Variants in UBE3D observed in about 807,000 individuals in gnomAD.
UBE3D encodes ubiquitin protein ligase E3D.
Under a neutral mutation model 49.6 loss-of-function variants are expected in UBE3D, and 48 were observed. The observed-to-expected ratio is 0.97, with a 90% CI of 0.77 to 1.23. The LOEUF is 1.23. UBE3D is among the 50% of genes most tolerant of loss of function. The pLI, the probability that UBE3D is intolerant of heterozygous loss-of-function variation, is 0.00. For synonymous variants in UBE3D, 189 were observed against 174.2 expected, an observed-to-expected ratio of 1.08 and a Z score of -0.67; for missense variants, 452 against 468.4, an observed-to-expected ratio of 0.96 and a Z score of 0.32.
Position 83,054,104 on chromosome 6 carries a change from C to T in UBE3D, c.365+44G>A, listed in dbSNP as rs765046396. On this transcript the variant is annotated intron_variant, in intron 3 of 9. Coordinates refer to ENST00000369747, the MANE Select transcript of UBE3D (RefSeq NM_198920.3). ...AAATTCTGATAGAAAAAGAGATAAC[C>T]ATTGCCAGGCACAGAATTAATCAGT... 2.0e-6 allele frequency: 3 copies of T among 1,491,178 alleles called. No individual in the cohort carries two copies. In the South Asian group the frequency reaches 3.4e-5, roughly 17 times the overall value. The allele number at this position is 1,491,178 out of a possible 1,614,324, so 92.4% of individuals were successfully genotyped here.
In UBE3D at chr6:83,058,823, T is replaced by C. The variant is rs140699849; in HGVS notation, c.78-801A>G. On this transcript the variant is annotated intron_variant, in intron 1 of 9. Transcript: ENST00000369747. ...TATAGCTACTTTCTGGCTAGTTCCTTTTCAAAGCATATGGATCTGCACTTA... is the reference window on the plus strand; with the variant it reads ...TATAGCTACTTTCTGGCTAGTTCCTCTTCAAAGCATATGGATCTGCACTTA... Among the ~76,000 whole-genome samples the C allele has an allele frequency of 1.5e-3, 221 of 152,318 alleles. 1 individual carries two copies. The highest frequency in any genetic ancestry group is 4.3e-3 in the African/African-American group (177 of 41,564).
rs910603399 is a variant in UBE3D at position 82,966,598 on chromosome 6, C to T, written c.1011-9148G>A. Among the ~76,000 whole-genome samples the T allele has an allele frequency of 3.0e-5, 2 of 66,058 alleles. 1 individual carries two copies. Among genetic ancestry groups the T allele is most frequent in the Non-Finnish European group, 5.9e-5 (2 of 33,784 alleles). The allele number at this position is 66,058 out of a possible 152,430, so 43.3% of individuals were successfully genotyped here. ...CCGGGAGGCGGAGCTTGCAGTGAGC[C>T]GAGATCCCGCCACTGCACTCCAGCC... On this transcript the variant is annotated intron_variant, in intron 8 of 9. Transcript: ENST00000369747.
chr6:82,966,521 G>A (rs1399776211), intron 8 of UBE3D, among the ~76,000 whole-genome samples: 1 of 118,896 alleles, frequency 8.4e-6, no homozygotes, highest in Non-Finnish European at 1.7e-5. Flanking sequence ...GTAGTGGCGG[G>A]CGCCTGTAGT....
At chr6:82,889,050 A>T (rs991579274), downstream of UBE3D, among the ~76,000 whole-genome samples, 3 of 152,218 alleles carry the variant, frequency 2.0e-5, no homozygotes, top group African/African-American at 7.2e-5. Flanking sequence ...ATTAAATCAT[A>T]TTGAGTGGTC....
intron 8 of UBE3D, among the ~76,000 whole-genome samples, chr6:82,997,415 T>C (rs896876768): frequency 8.6e-5 from 13 of 151,984 alleles, no homozygotes; most frequent in African/African-American, 3.1e-4. Context: ...TGACATTATT[T>C]ATGTTAAAAA....
chr6:83,002,265 T>C (rs924116923), intron 8 of UBE3D, among the ~76,000 whole-genome samples: 1 of 152,176 alleles, frequency 6.6e-6, no homozygotes, highest in Non-Finnish European at 1.5e-5. Context: ...GGTTTGAATG[T>C]TTGTGGCCTC....
At chr6:82,966,535 A>G (rs1399381318) in intron 8 of UBE3D, among the ~76,000 whole-genome samples, 3 of 117,116 alleles carry the variant, frequency 2.6e-5, no homozygotes, top group African/African-American at 3.8e-5. Context: ...CTGTAGTCCC[A>G]GCTACTCGGG....
chr6:82,964,399 A>G (rs1444064302), intron 8 of UBE3D, among the ~76,000 whole-genome samples: 2 of 152,202 alleles, frequency 1.3e-5, no homozygotes, highest in African/African-American at 4.8e-5. Flanking sequence ...TAAAATATTT[A>G]AAAGGAATCC....
intron 8 of UBE3D, among the ~76,000 whole-genome samples, chr6:82,991,313 A>G (rs1778867469): frequency 6.6e-6 from 1 of 152,180 alleles, no homozygotes; most frequent in Non-Finnish European, 1.5e-5. Flanking sequence ...TTAAAACCAC[A>G]TCTTACAACC....
rs151204171 is a variant in UBE3D at position 83,054,210 on chromosome 6, C to G, written c.303G>C (p.Ser101=). The change falls in exon 3 of 10, where the codon TCG becomes TCC. Residue 101 remains serine (S), a synonymous_variant. Coordinates refer to ENST00000369747, the MANE Select transcript of UBE3D (RefSeq NM_198920.3). ...TKLISMFNQS[S]QTQECCTFYC... is the part of the protein sequence containing the mutation. ...AAAACGTGCAACATTCTTGGGTTTG[C>G]GAGCTTTGATTAAACATTGAAATCA... The G allele has an allele frequency of 1.9e-5, 30 of 1,613,754 alleles. No homozygotes were observed. The highest frequency in any genetic ancestry group is 1.6e-4 in the Middle Eastern group (1 of 6,062).
chr6:82,942,493 G>C (rs529243846), intron 9 of UBE3D, among the ~76,000 whole-genome samples: 188 of 152,314 alleles, frequency 1.2e-3, no homozygotes, highest in African/African-American at 4.4e-3. Flanking sequence ...AGACCTTCAG[G>C]GCAGCCCCTC....
Position 83,022,460 on chromosome 6 carries a change from T to A in UBE3D, c.839A>T (p.Tyr280Phe). 6.3e-7 allele frequency: 1 copy of A among 1,593,490 alleles called. No homozygotes were observed. Reference sequence around the variant, plus strand: ...GATAAAATAATTTCTTACCAAGATATACACTTTGTCATCCTGACCTTGAAT... The same window carrying A: ...GATAAAATAATTTCTTACCAAGATAAACACTTTGTCATCCTGACCTTGAAT... ...FTIQGQDDKV[Y>F]ILLWLLNSDS... The change falls in exon 7 of 10, where the codon TAT becomes TTT. Residue 280 changes from tyrosine (Y) to phenylalanine (F), a missense_variant. Physicochemically the swap from Tyr to Phe is conservative, Grantham distance 22 (BLOSUM62 3). Coordinates refer to ENST00000369747, the MANE Select transcript of UBE3D (RefSeq NM_198920.3).
rs6149671 is a variant in UBE3D, at chr6:83,053,193, G to GTTCTTCATCTT, written c.365+954_365+955insAAGATGAAGAA. On this transcript the variant is annotated intron_variant, in intron 3 of 9. Coordinates refer to ENST00000369747, the MANE Select transcript of UBE3D (RefSeq NM_198920.3). Reference sequence around the variant, plus strand: ...TGTATTTTATGTGTAGCCCAAGACAGCCGAAGGCTTGGACTCCCCTGCCTC... The same window carrying GTTCTTCATCTT: ...TGTATTTTATGTGTAGCCCAAGACAGTTCTTCATCTTCCGAAGGCTTGGACTCCCCTGCCTC... Among the ~76,000 whole-genome samples, 8 of 152,222 alleles carry GTTCTTCATCTT rather than the reference G, an allele frequency of 5.3e-5. 1 individual carries two copies. The highest frequency in any genetic ancestry group is 1.2e-4 in the Non-Finnish European group (8 of 68,046).
chr6:82,982,627 C>T (rs539918859), intron 8 of UBE3D, among the ~76,000 whole-genome samples: 41 of 152,142 alleles, frequency 2.7e-4, no homozygotes, highest in Non-Finnish European at 5.0e-4. Flanking sequence ...GAAGCTTGAT[C>T]GGGTTTGCTG....
chr6:83,026,354 G>A (rs1251000121), intron 5 of UBE3D, among the ~76,000 whole-genome samples: 1 of 152,108 alleles, frequency 6.6e-6, no homozygotes, highest in Non-Finnish European at 1.5e-5. Context: ...GGGAGGCTGA[G>A]GCAAGAGGAC....
intron 9 of UBE3D, among the ~76,000 whole-genome samples, chr6:82,914,415 G>T (rs972413790): frequency 1.4e-4 from 22 of 152,120 alleles, no homozygotes; most frequent in African/African-American, 5.1e-4. Context: ...AGTGGATTGG[G>T]TAGAGACCAG....
intron 3 of UBE3D, among the ~76,000 whole-genome samples, chr6:83,053,881 G>A (rs1410059632): frequency 6.6e-6 from 1 of 152,186 alleles, no homozygotes; most frequent in East Asian, 1.9e-4. Context: ...GGAGGGAGGT[G>A]CTTCAGTGAT....
downstream of UBE3D, chr6:82,892,285 A>G (rs1199956443): frequency 6.6e-6 from 1 of 152,262 alleles, no homozygotes; most frequent in African/African-American, 2.4e-5. Context: ...TCCTTGTGAA[A>G]TTAGGAGCTA....
chr6:82,970,457 G>C (rs958746944), intron 8 of UBE3D, among the ~76,000 whole-genome samples: 4 of 152,110 alleles, frequency 2.6e-5, no homozygotes, highest in African/African-American at 9.7e-5. Flanking sequence ...AGAGGACAAA[G>C]GACAGAAATT....
Sources: allele counts gnomAD v4.1 joint callset (sites outside exome capture counted in the v4.1 genomes callset), GRCh38; gene constraint gnomAD v4.1.1; transcripts MANE v1.5; gene names NCBI Gene and HGNC (gene_info 2026-07-23, HGNC 2026-07-21).